Variants in ABCA4 observed in about 807,000 individuals in gnomAD.
ABCA4 encodes the protein ATP binding cassette subfamily A member 4, also known as retinal-specific phospholipid-transporting ATPase ABCA4.
ABCA4 carries 196 observed loss-of-function variants against 263.7 expected under a neutral mutation model. The observed-to-expected ratio is 0.74, with a 90% CI of 0.66 to 0.84. The LOEUF (loss-of-function observed/expected upper bound fraction) is 0.84. ABCA4 is among the 40% of genes least tolerant of loss of function. The pLI is 0.00. For missense variants in ABCA4, 2,792 were observed against 2,855.1 expected (o/e 0.98, Z 0.50); for synonymous variants, 1,133 against 1,094.2 (o/e 1.04, Z -0.70).
chr1:94,057,402 C>T (rs1444828080), intron 14 of ABCA4, among the ~76,000 whole-genome samples: 1 of 152,056 alleles, frequency 6.6e-6, no homozygotes, highest in African/African-American at 2.4e-5. Flanking sequence ...GGGAGGAAGA[C>T]CTGGGTAGGG....
chr1:94,012,794 G>C (rs1207120884), intron 38 of ABCA4, among the ~76,000 whole-genome samples: 1 of 151,686 alleles, frequency 6.6e-6, no homozygotes, highest in African/African-American at 2.4e-5. Context: ...TCGTGGGCAG[G>C]TCCTTTTCCG....
intron 6 of ABCA4, among the ~76,000 whole-genome samples, chr1:94,086,986 T>C (rs1661848768): frequency 1.3e-5 from 2 of 152,164 alleles, no homozygotes; most frequent in Non-Finnish European, 1.5e-5. Context: ...CTCCAGCAGG[T>C]TTATTGCATG....
rs758365467 is a variant in ABCA4, at chr1:94,079,442, C to G, written c.1119G>C (p.Leu373Phe). ...DRRTTSFCNA[L>F]IQSLESNPLT... ...AAGGATTTGACTCCAGGCTCTGGAT[C>G]AATGCATTACAAAAGGATGCTGCCA... Residue 373 changes from leucine to phenylalanine, a missense_variant, in exon 9 of 50, where the codon TTG becomes TTC. Coordinates refer to ENST00000370225, the MANE Select transcript of ABCA4 (RefSeq NM_000350.3). 6.2e-7 allele frequency: 1 copy of G among 1,614,154 alleles called. No individual in the cohort carries two copies. The highest frequency in any genetic ancestry group is 1.1e-5 in the South Asian group (1 of 91,074).
chr1:94,116,073 A>C (rs2101175184), intron 1 of ABCA4, among the ~76,000 whole-genome samples: 1 of 152,124 alleles, frequency 6.6e-6, no homozygotes, highest in Admixed American at 6.5e-5. Flanking sequence ...CCTGGCATCC[A>C]CCCACTCCCT....
intron 7 of ABCA4, among the ~76,000 whole-genome samples, chr1:94,080,943 G>A (rs527732322): frequency 6.6e-6 from 1 of 152,302 alleles, no homozygotes; most frequent in Admixed American, 6.5e-5. Context: ...ATCACAGAGT[G>A]GCCGGGCGCA....
intron 3 of ABCA4, among the ~76,000 whole-genome samples, chr1:94,108,921 C>T (rs1432517535): frequency 2.6e-5 from 4 of 151,934 alleles, no homozygotes; most frequent in African/African-American, 4.8e-5. Flanking sequence ...TACAGGCGCC[C>T]GCCACCACAC....
chr1:94,002,124 G>C, intron 44 of ABCA4, 132 bp from the exon 45 acceptor site: 1 of 1,367,654 alleles, frequency 7.3e-7, no homozygotes, highest in East Asian at 2.4e-5. Flanking sequence ...ACAGGCTCCT[G>C]CTGGCTCCTG....
chr1:94,031,629 G>T, intron 27 of ABCA4, 149 bp downstream of exon 27: 2 of 1,102,116 alleles, frequency 1.8e-6, no homozygotes, highest in Non-Finnish European at 2.7e-6. Flanking sequence ...CAAGATAAGG[G>T]TTTGGAAAGC....
At chr1:94,019,857 G>C (rs116362338) in intron 35 of ABCA4, 98 bp from the exon 36 acceptor site, 2 of 1,340,898 alleles carry the variant, frequency 1.5e-6, no homozygotes, top group Admixed American at 3.9e-5. Context: ...CCTTACACCC[G>C]CCCAGGTGTG....
chr1:94,102,266 TAGA>T (rs1449671342), intron 5 of ABCA4, among the ~76,000 whole-genome samples: 1 of 152,008 alleles, frequency 6.6e-6, no homozygotes, highest in African/African-American at 2.4e-5. Context: ...TGCCAGGGGA[TAGA>T]AGAAGGAGTT....
intron 44 of ABCA4, among the ~76,000 whole-genome samples, chr1:94,004,744 C>T (rs993127384): frequency 6.6e-6 from 1 of 152,050 alleles, no homozygotes; most frequent in Non-Finnish European, 1.5e-5. Flanking sequence ...AAAATATATC[C>T]CCAGAAGTAC....
chr1:94,021,398 AT>A lies in ABCA4; in HGVS notation c.4859del (p.Asn1620IlefsTer42). Reference protein sequence around the residue: ...ETEDNIKVWFNNKGWHALVSF... With the variant: ...ETEDNIKVWFXNKGWHALVSF... ...TGACCAGGGCATGCCAGCCTTTGTT[AT>A]TAAACCACACCTAGAGGGTGGAGAG... is the stretch of plus-strand genomic sequence containing the variant. On this transcript the variant is annotated frameshift_variant, in exon 35 of 50. Transcript: ENST00000370225. LOFTEE classifies it high-confidence loss of function. 2 of 1,614,244 alleles carry A rather than the reference AT, an allele frequency of 1.2e-6. No individual in the cohort carries two copies. Among genetic ancestry groups the A allele is most frequent in the Non-Finnish European group, 1.7e-6 (2 of 1,180,046 alleles).
chr1:94,080,061 C>G (rs180912714), intron 8 of ABCA4, among the ~76,000 whole-genome samples: 1 of 151,948 alleles, frequency 6.6e-6, no homozygotes, highest in Admixed American at 6.6e-5. Flanking sequence ...GAATGTAATT[C>G]AGTACTACAC....
rs775770837 is a variant in ABCA4 at position 94,120,980 on chromosome 1, CT to C, written c.65del (p.Lys22ArgfsTer18). On this transcript the variant is annotated frameshift_variant and splice_region_variant, in exon 1 of 50. Transcript: ENST00000370225. LOFTEE classifies it high-confidence loss of function. ...TTAAACCACAGACAGTAACTGTTACCTTTTGCCTTTTCCGCAGGGTCCAGTT... is the reference window on the plus strand; with the variant it reads ...TTAAACCACAGACAGTAACTGTTACCTTTGCCTTTTCCGCAGGGTCCAGTT... ...WKNWTLRKRQ[K>X]IRFVVELVWP... 6.4e-7 allele frequency: 1 copy of C among 1,561,812 alleles called. No homozygotes were observed. The highest frequency in any genetic ancestry group is 1.1e-5 in the South Asian group (1 of 90,458).
intron 4 of ABCA4, among the ~76,000 whole-genome samples, chr1:94,106,172 T>C (rs560794077): frequency 6.6e-6 from 1 of 152,332 alleles, no homozygotes; most frequent in East Asian, 1.9e-4. Flanking sequence ...TCCTGAGCCC[T>C]TGTCCCCAGA....
rs1661098608 is a variant in ABCA4, at chr1:94,060,688, G to A, written c.2009C>T (p.Thr670Ile). ...CTTCTCCAAGACGATGCTCTTCACA[G>A]TCATGGAGACAGAGTAGATCCATGC... ...VLAWIYSVSM[T>I]VKSIVLEKEL... Residue 670 changes from threonine (T) to isoleucine (I), a missense_variant, in exon 14 of 50, where the codon ACT becomes ATT. Physicochemically the swap from Thr to Ile is moderately conservative, Grantham distance 89. Coordinates refer to ENST00000370225, the MANE Select transcript of ABCA4 (RefSeq NM_000350.3). The A allele has an allele frequency of 1.2e-6, 2 of 1,614,154 alleles. No individual in the cohort carries two copies. Among genetic ancestry groups the A allele is most frequent in the Non-Finnish European group, 1.7e-6 (2 of 1,180,030 alleles).
intron 14 of ABCA4, among the ~76,000 whole-genome samples, chr1:94,057,293 A>C (rs1661009761): frequency 6.6e-6 from 1 of 152,172 alleles, no homozygotes; most frequent in Admixed American, 6.5e-5. Context: ...CTAACATTTT[A>C]ATGTGCCTAA....
Position 94,037,366 on chromosome 1 carries a change from AG to A in ABCA4, c.3608-17del, listed in dbSNP as rs748606284. On this transcript the variant is annotated splice_polypyrimidine_tract_variant and intron_variant, in intron 24 of 49. Coordinates refer to ENST00000370225, the MANE Select transcript of ABCA4 (RefSeq NM_000350.3). ...TTTACATCCCCTAGGACAAGAAAAA[AG>A]ACTGATGCCAGCTCTGTTTTCCAGA... The A allele has an allele frequency of 6.2e-7, 1 of 1,611,842 alleles. No homozygotes were observed. The highest frequency in any genetic ancestry group is 8.5e-7 in the Non-Finnish European group (1 of 1,178,534).
chr1:94,108,724 G>A lies in ABCA4; in HGVS notation c.303-8C>T. The A allele has an allele frequency of 6.2e-7, 1 of 1,613,776 alleles. No homozygotes were observed. Among genetic ancestry groups the A allele is most frequent in the Non-Finnish European group, 8.5e-7 (1 of 1,179,966 alleles). On this transcript the variant is annotated splice_polypyrimidine_tract_variant and splice_region_variant and intron_variant, in intron 3 of 49. Transcript: ENST00000370225. ...CGATATACCCTTGCCAAGCTGTAAGGACAAAGCCTCATTAATAAGGAAATA... is the reference window on the plus strand; with the variant it reads ...CGATATACCCTTGCCAAGCTGTAAGAACAAAGCCTCATTAATAAGGAAATA...
Sources: allele counts gnomAD v4.1 joint callset (sites outside exome capture counted in the v4.1 genomes callset), GRCh38; gene constraint gnomAD v4.1.1; transcripts MANE v1.5; gene names NCBI Gene and HGNC (gene_info 2026-07-23, HGNC 2026-07-21).